Variants in ATXN7 observed in about 807,000 individuals in gnomAD.
ATXN7 encodes ataxin 7, also known as ataxin-7.
In ATXN7, 12 loss-of-function variants were observed where a neutral mutation model predicts 70.5. That is an observed-to-expected ratio of 0.17 (90% CI 0.11 to 0.28). ATXN7 has a LOEUF of 0.28. ATXN7 is among the 10% of genes least tolerant of loss of function. ATXN7 has a pLI of 1.00. For synonymous variants in ATXN7, 498 were observed against 448.7 expected (o/e 1.11, Z -1.39); for missense variants, 1,256 against 1,131.7 (o/e 1.11, Z -1.58).
chr3:63,983,756 G>T (rs1280695667), intron 8 of ATXN7, among the ~76,000 whole-genome samples: 1 of 152,094 alleles, frequency 6.6e-6, no homozygotes, highest in Non-Finnish European at 1.5e-5. Flanking sequence ...AAAAGTGTGG[G>T]TTATTGATGT....
intron 4 of ATXN7, among the ~76,000 whole-genome samples, chr3:63,938,902 G>A (rs940648087): frequency 2.0e-5 from 3 of 152,158 alleles, no homozygotes; most frequent in African/African-American, 7.2e-5. Flanking sequence ...AGATATTAAT[G>A]CATGGTTCTC....
intron 11 of ATXN7, among the ~76,000 whole-genome samples, chr3:63,991,941 A>G (rs2075678578): frequency 6.6e-6 from 1 of 152,186 alleles, no homozygotes; most frequent in Non-Finnish European, 1.5e-5. Context: ...ACATGTCCCA[A>G]GCTCTTTTCA....
At chr3:63,866,595 G>A (rs1224577092) in intron 1 of ATXN7, among the ~76,000 whole-genome samples, 4 of 152,172 alleles carry the variant, frequency 2.6e-5, no homozygotes, top group Non-Finnish European at 4.4e-5. Flanking sequence ...CACATAATTT[G>A]AGCCTTTATG....
At chr3:63,945,288 T>G (rs115308594) in intron 4 of ATXN7, among the ~76,000 whole-genome samples, 160 of 152,222 alleles carry the variant, frequency 1.1e-3, no homozygotes, top group African/African-American at 3.7e-3. Flanking sequence ...AGAGGAAGAG[T>G]AGACGTTTGA....
chr3:63,970,968 T>A (rs1464596329), intron 5 of ATXN7, among the ~76,000 whole-genome samples: 6 of 152,228 alleles, frequency 3.9e-5, no homozygotes, highest in Admixed American at 3.9e-4. Context: ...TTGTTTCAAG[T>A]GGCCCAAGTG....
At chr3:63,938,676 A>G (rs2074705190) in intron 4 of ATXN7, among the ~76,000 whole-genome samples, 4 of 152,372 alleles carry the variant, frequency 2.6e-5, no homozygotes, top group East Asian at 1.9e-4. Flanking sequence ...GTGAGGCACC[A>G]TGAGTATTTA....
intron 1 of ATXN7, among the ~76,000 whole-genome samples, chr3:63,890,527 A>G (rs571115009): frequency 6.6e-6 from 1 of 152,366 alleles, no homozygotes; most frequent in Non-Finnish European, 1.5e-5. Context: ...TTTAATATTC[A>G]GAAGAGGAAA....
At chr3:63,865,755 C>G (rs1702398885) in intron 1 of ATXN7, among the ~76,000 whole-genome samples, 1 of 150,934 alleles carries the variant, frequency 6.6e-6, no homozygotes, top group South Asian at 2.1e-4. Context: ...ATTAGCCGGG[C>G]GTAGTGGCGG....
rs573080384 is a variant in ATXN7, at chr3:64,000,503, T to A, written c.*1036T>A. ...TTCCAAGGCACTCTCTACATTACCC[T>A]TGTTTTTCTCTTTGGATACTGTCCT... On this transcript the variant is annotated 3_prime_UTR_variant, in exon 13 of 13. Transcript: ENST00000674280. 6.5e-6 allele frequency: 1 copy of A among 152,752 alleles called. No homozygotes were observed. Among genetic ancestry groups the A allele is most frequent in the African/African-American group, 2.4e-5 (1 of 41,580 alleles). The allele number at this position is 152,752 out of a possible 1,614,324, so 9.5% of individuals were successfully genotyped here. A position where few individuals can be genotyped will look rare whatever the true frequency, so the allele number is the denominator to read the frequency against.
intron 5 of ATXN7, among the ~76,000 whole-genome samples, chr3:63,962,990 A>G (rs891600865): frequency 6.9e-6 from 1 of 144,036 alleles, no homozygotes; most frequent in East Asian, 2.1e-4. Flanking sequence ...ATCTTGGCTC[A>G]CTGTAACCCC....
intron 1 of ATXN7, among the ~76,000 whole-genome samples, chr3:63,896,074 T>C (rs1359307301): frequency 6.6e-6 from 1 of 152,110 alleles, no homozygotes; most frequent in Admixed American, 6.5e-5. Flanking sequence ...GTAAGTAGTT[T>C]GTAGCCCCAT....
chr3:63,918,092 C>G (rs1340389375), intron 4 of ATXN7, among the ~76,000 whole-genome samples: 1 of 152,174 alleles, frequency 6.6e-6, no homozygotes, highest in Non-Finnish European at 1.5e-5. Context: ...CAGGTTATTT[C>G]CTTCTCATAA....
intron 4 of ATXN7, among the ~76,000 whole-genome samples, chr3:63,930,287 A>G (rs1704896819): frequency 6.6e-6 from 1 of 152,168 alleles, no homozygotes; most frequent in African/African-American, 2.4e-5. Context: ...CAGTTTTGTG[A>G]AAAGGTAACT....
intron 1 of ATXN7, among the ~76,000 whole-genome samples, chr3:63,883,109 A>G (rs1702967862): frequency 6.6e-6 from 1 of 152,194 alleles, no homozygotes; most frequent in Non-Finnish European, 1.5e-5. Context: ...CAACCTCAGC[A>G]GTTCTGCTGG....
At chr3:63,891,161 C>T (rs951739502) in intron 1 of ATXN7, among the ~76,000 whole-genome samples, 1 of 152,046 alleles carries the variant, frequency 6.6e-6, no homozygotes, top group Admixed American at 6.6e-5. Flanking sequence ...AGGCACGCAG[C>T]ACCACGCCTG....
rs1351116249 is a variant in ATXN7, at chr3:64,001,862, G to T, written c.*2395G>T. 1 of 151,722 alleles carries T rather than the reference G, an allele frequency of 6.6e-6. No homozygotes were observed. The highest frequency in any genetic ancestry group is 1.5e-5 in the Non-Finnish European group (1 of 67,892). The allele number at this position is 151,722 out of a possible 1,614,324, so 9.4% of individuals were successfully genotyped here. ...AACACGGGAGTACAAGTATTTTTTT[G>T]AATTAAATTAACTTGCAAAAACCAA... On this transcript the variant is annotated 3_prime_UTR_variant, in exon 13 of 13. Transcript: ENST00000674280.
intron 1 of ATXN7, among the ~76,000 whole-genome samples, chr3:63,873,094 T>G (rs1702644623): frequency 6.6e-6 from 1 of 152,204 alleles, no homozygotes; most frequent in Non-Finnish European, 1.5e-5. Context: ...GAATTTTGTA[T>G]TCTACTCTAT....
At chr3:63,926,176 T>C (rs1704707662) in intron 4 of ATXN7, among the ~76,000 whole-genome samples, 1 of 152,240 alleles carries the variant, frequency 6.6e-6, no homozygotes. Context: ...ACAACACATA[T>C]TTATTGAGCA....
Position 63,995,998 on chromosome 3 carries a change from T to A in ATXN7, c.2176T>A (p.Ser726Thr), listed in dbSNP as rs761657156. ...HSSSSSSSSS[S>T]SSHSMESFRK... is the part of the protein sequence containing the mutation. ...TTCCTCCTCCTCTTCCTCCTCCTCC[T>A]CTTCTTCTCATTCCATGGAGTCTTT... Residue 726 changes from serine (S) to threonine (T), a missense_variant, in exon 12 of 13, where the codon TCT becomes ACT. Physicochemically the swap from Ser to Thr is moderately conservative, Grantham distance 58 (BLOSUM62 1). Transcript: ENST00000674280. The A allele has an allele frequency of 1.2e-6, 2 of 1,608,990 alleles. No homozygotes were observed. Among genetic ancestry groups the A allele is most frequent in the Admixed American group, 3.3e-5 (2 of 59,972 alleles).
Sources: allele counts gnomAD v4.1 joint callset (sites outside exome capture counted in the v4.1 genomes callset), GRCh38; gene constraint gnomAD v4.1.1; transcripts MANE v1.5; gene names NCBI Gene and HGNC (gene_info 2026-07-23, HGNC 2026-07-21).